Variants in FAM184B observed in about 807,000 individuals in gnomAD.
The protein encoded by FAM184B is family with sequence similarity 184 member B.
FAM184B carries 111 observed loss-of-function variants against 135.9 expected under a neutral mutation model. That is an observed-to-expected ratio of 0.82 (90% CI 0.70 to 0.96). The LOEUF is 0.96. FAM184B is among the 40% of genes least tolerant of loss of function. The pLI is 0.00. For missense variants in FAM184B, 1,375 were observed against 1,323.9 expected (o/e 1.04, Z -0.60); for synonymous variants, 552 against 524.8 (o/e 1.05, Z -0.71).
chr4:17,642,133 G>C lies in FAM184B; in HGVS notation c.2442C>G (p.Leu814=). 6.5e-7 allele frequency: 1 copy of C among 1,533,622 alleles called. No homozygotes were observed. Among genetic ancestry groups the C allele is most frequent in the Non-Finnish European group, 8.7e-7 (1 of 1,145,578 alleles). Reference sequence around the variant, plus strand: ...CGCGCAGCCGCCGCACCGCGTCCTGGAGCTGCGCGTTCTCCTCCCAGAGCC... The same window carrying C: ...CGCGCAGCCGCCGCACCGCGTCCTGCAGCTGCGCGTTCTCCTCCCAGAGCC... ...GCGLWEENAQ[L]QDAVRRLRAE... The change falls in exon 13 of 18, where the codon CTC becomes CTG. Residue 814 remains leucine (L), a synonymous_variant. Coordinates refer to ENST00000265018, the MANE Select transcript of FAM184B (RefSeq NM_015688.2).
intron 5 of FAM184B, among the ~76,000 whole-genome samples, chr4:17,702,894 T>C (rs1717023002): frequency 6.6e-6 from 1 of 152,016 alleles, no homozygotes; most frequent in South Asian, 2.1e-4. Flanking sequence ...AGGATTAGAT[T>C]TGTGCAACCA....
At chr4:17,767,036 A>G (rs1411025728) in intron 1 of FAM184B, among the ~76,000 whole-genome samples, 3 of 152,286 alleles carry the variant, frequency 2.0e-5, no homozygotes, top group African/African-American at 7.2e-5. Flanking sequence ...CACCCTCTGC[A>G]GCTGCTGGCC....
intron 1 of FAM184B, among the ~76,000 whole-genome samples, chr4:17,744,116 C>G (rs1403781255): frequency 5.9e-5 from 9 of 152,156 alleles, no homozygotes; most frequent in Admixed American, 5.2e-4. Context: ...TTTTCTATGC[C>G]TGATCTCTAG....
In FAM184B at chr4:17,708,982, C is replaced by T; in HGVS notation, c.804G>A (p.Gln268=). The change falls in exon 2 of 18, where the codon CAG becomes CAA. Residue 268 remains glutamine, a synonymous_variant. Coordinates refer to ENST00000265018, the MANE Select transcript of FAM184B (RefSeq NM_015688.2). The part of the protein sequence containing the change: ...FQVQESALQA[Q]VRKLEGDLEH... Reference sequence around the variant, plus strand: ...CCAGGTCTCCTTCCAGCTTCCGGACCTGAGCCTGCAGGGCTGACTCCTGGA... The same window carrying T: ...CCAGGTCTCCTTCCAGCTTCCGGACTTGAGCCTGCAGGGCTGACTCCTGGA... 2 of 1,550,884 alleles carry T rather than the reference C, an allele frequency of 1.3e-6. No individual in the cohort carries two copies. The highest frequency in any genetic ancestry group is 1.7e-6 in the Non-Finnish European group (2 of 1,146,900).
chr4:17,632,448 G>T lies in FAM184B; in HGVS notation c.*84C>A. 8.7e-7 allele frequency: 1 copy of T among 1,149,812 alleles called. No individual in the cohort carries two copies. The highest frequency in any genetic ancestry group is 1.2e-6 in the Non-Finnish European group (1 of 806,330). The allele number at this position is 1,149,812 out of a possible 1,614,324, so 71.2% of individuals were successfully genotyped here. On this transcript the variant is annotated 3_prime_UTR_variant, in exon 18 of 18. Transcript: ENST00000265018. ...AAATCATAAGCATATTATTTGGTTG[G>T]TTGGTGTTAGTTCATTCCTTCAATC...
intron 1 of FAM184B, among the ~76,000 whole-genome samples, chr4:17,740,773 A>G (rs4698207): frequency 0.98 from 148,757 of 152,298 alleles, 72,737 homozygotes; most frequent in Middle Eastern, 1. Context: ...CAGGCCCCCA[A>G]GTGCTTTGTA....
At chr4:17,692,051 CAAA>C (rs35468215) in intron 6 of FAM184B, among the ~76,000 whole-genome samples, 81,285 of 134,994 alleles carry the variant, frequency 0.6, 23,168 homozygotes, top group East Asian at 0.87. Flanking sequence ...GACTCCGTCT[CAAA>C]AAAAAAAAAA....
Position 17,709,278 on chromosome 4 carries a change from C to A in FAM184B, c.508G>T (p.Ala170Ser). Residue 170 changes from alanine to serine, a missense_variant, in exon 2 of 18, where the codon GCT becomes TCT. Coordinates refer to ENST00000265018, the MANE Select transcript of FAM184B (RefSeq NM_015688.2). ...RRLQHLTSHE[A>S]TPQGRLPQES... ...TGGGGCAGCCGGCCCTGCGGGGTAG[C>A]CTCGTGGCTCGTCAGGTGCTGGAGC... is the stretch of plus-strand genomic sequence containing the variant. 1 of 1,548,046 alleles carries A rather than the reference C, an allele frequency of 6.5e-7. No individual in the cohort carries two copies. Among genetic ancestry groups the A allele is most frequent in the Non-Finnish European group, 8.7e-7 (1 of 1,145,248 alleles).
intron 6 of FAM184B, among the ~76,000 whole-genome samples, chr4:17,692,377 A>G (rs551519090): frequency 6.6e-6 from 1 of 152,218 alleles, no homozygotes; most frequent in Non-Finnish European, 1.5e-5. Context: ...TATCAACTCT[A>G]AGGAAAGACA....
At position 17,636,452 on chromosome 4, in the gene FAM184B, C is replaced by T. The variant is rs577846214; in HGVS notation, c.2784+76G>A. ...AGGGCACCTAGAGAAATGCTGGGTG[C>T]AAGTGAACGCCCCTCCCGGGGGAGC... On this transcript the variant is annotated intron_variant, in intron 15 of 17. Coordinates refer to ENST00000265018, the MANE Select transcript of FAM184B (RefSeq NM_015688.2). 3.2e-3 allele frequency: 3,476 copies of T among 1,100,826 alleles called. 10 individuals are homozygous for T. Among genetic ancestry groups the T allele is most frequent in the Non-Finnish European group, 3.9e-3 (2,882 of 746,972 alleles). 68.2% of individuals were successfully genotyped at this position (1,100,826 alleles called of 1,614,324 possible). A position where few individuals can be genotyped will look rare whatever the true frequency, so the allele number is the denominator to read the frequency against.
Position 17,709,285 on chromosome 4 carries a change from G to A in FAM184B, c.501C>T (p.Ser167=). The change falls in exon 2 of 18, where the codon AGC becomes AGT. Residue 167 remains serine (S), a synonymous_variant. Coordinates refer to ENST00000265018, the MANE Select transcript of FAM184B (RefSeq NM_015688.2). Reference sequence around the variant, plus strand: ...GCCGGCCCTGCGGGGTAGCCTCGTGGCTCGTCAGGTGCTGGAGCCTCCTCT... The same window carrying A: ...GCCGGCCCTGCGGGGTAGCCTCGTGACTCGTCAGGTGCTGGAGCCTCCTCT... The part of the protein sequence containing the change: ...DYERRLQHLT[S]HEATPQGRLP... 6.5e-7 allele frequency: 1 copy of A among 1,548,466 alleles called. No individual in the cohort carries two copies. Among genetic ancestry groups the A allele is most frequent in the Non-Finnish European group, 8.7e-7 (1 of 1,145,464 alleles).
intron 1 of FAM184B, among the ~76,000 whole-genome samples, chr4:17,747,753 C>G (rs1202150482): frequency 1.3e-5 from 2 of 151,674 alleles, no homozygotes; most frequent in African/African-American, 2.4e-5. Context: ...AACCCCGTCT[C>G]TACTAAAAAT....
intron 7 of FAM184B, among the ~76,000 whole-genome samples, chr4:17,670,484 C>A (rs1716144589): frequency 6.6e-6 from 1 of 152,132 alleles, no homozygotes; most frequent in Non-Finnish European, 1.5e-5. Flanking sequence ...CAACACAGAG[C>A]CTGTGAAAGG....
At position 17,647,803 on chromosome 4, in the gene FAM184B, A is replaced by G. The variant is rs1319091139; in HGVS notation, c.2192-12T>C. The G allele has an allele frequency of 1.3e-6, 2 of 1,545,782 alleles. No individual in the cohort carries two copies. Among genetic ancestry groups the G allele is most frequent in the East Asian group, 2.4e-5 (1 of 40,828 alleles). On this transcript the variant is annotated splice_polypyrimidine_tract_variant and intron_variant, in intron 11 of 17. Coordinates refer to ENST00000265018, the MANE Select transcript of FAM184B (RefSeq NM_015688.2). ...CTGTCTGAGCGACTCTGGAAAAGGG[A>G]GAGCAGCAGTGAGTTAGGCGTTGGG... is the stretch of plus-strand genomic sequence containing the variant.
intron 1 of FAM184B, among the ~76,000 whole-genome samples, chr4:17,749,212 A>G (rs1398285567): frequency 1.3e-5 from 2 of 152,138 alleles, no homozygotes; most frequent in Non-Finnish European, 2.9e-5. Context: ...AAGCGCATCT[A>G]TAAGCCTCTT....
At chr4:17,744,515 C>A (rs1309825923) in intron 1 of FAM184B, among the ~76,000 whole-genome samples, 1 of 149,620 alleles carries the variant, frequency 6.7e-6, no homozygotes, top group Non-Finnish European at 1.5e-5. Flanking sequence ...CACACACACA[C>A]CTTTCTCCAT....
chr4:17,680,644 G>A (rs1716415812), intron 7 of FAM184B, among the ~76,000 whole-genome samples: 1 of 152,140 alleles, frequency 6.6e-6, no homozygotes, highest in African/African-American at 2.4e-5. Context: ...CTCAGATTCA[G>A]TCCAGTGCTC....
intron 1 of FAM184B, among the ~76,000 whole-genome samples, chr4:17,769,229 T>C (rs935757399): frequency 6.6e-6 from 1 of 152,186 alleles, no homozygotes; most frequent in Non-Finnish European, 1.5e-5. Context: ...CAAAACAGGT[T>C]ACACAATAGT....
chr4:17,702,311 T>C (rs1288098226), intron 5 of FAM184B, among the ~76,000 whole-genome samples: 1 of 152,190 alleles, frequency 6.6e-6, no homozygotes, highest in Admixed American at 6.5e-5. Context: ...GAATACATCA[T>C]CTGCACCCCT....
Sources: gnomAD v4.1 joint callset for allele counts (sites outside exome capture counted in the v4.1 genomes callset) on GRCh38, gnomAD v4.1.1 for gene constraint, MANE v1.5 for transcripts, NCBI Gene and HGNC (gene_info 2026-07-23, HGNC 2026-07-21) for gene names.